Variants in ADARB2 observed in about 807,000 individuals in gnomAD.
The protein encoded by ADARB2 is inactive double-stranded RNA-specific editase B2.
A neutral mutation model predicts 62.2 loss-of-function variants in ADARB2; 25 were observed. The observed-to-expected ratio is 0.40, with a 90% CI of 0.29 to 0.56. The LOEUF (loss-of-function observed/expected upper bound fraction) is 0.56, where lower values mean the gene tolerates loss of function less well. Ranked by LOEUF, ADARB2 falls within the 20% of genes least tolerant of loss-of-function variation. ADARB2 has a pLI of 0.43. For missense variants in ADARB2, 1,071 were observed against 1,077.4 expected, an observed-to-expected ratio of 0.99 and a Z score of 0.08; for synonymous variants, 572 against 500.8, an observed-to-expected ratio of 1.14 and a Z score of -1.90.
intron 1 of ADARB2, among the ~76,000 whole-genome samples, chr10:1,628,332 C>A (rs1217297710): frequency 1.3e-5 from 2 of 152,224 alleles, no homozygotes; most frequent in Non-Finnish European, 2.9e-5. Context: ...CGATGTTAGG[C>A]TGCGTTACGA....
At chr10:1,632,312 A>G (rs933222411) in intron 1 of ADARB2, among the ~76,000 whole-genome samples, 1 of 152,120 alleles carries the variant, frequency 6.6e-6, no homozygotes, top group Non-Finnish European at 1.5e-5. Context: ...GCACACACAC[A>G]GGCACACAAT....
At chr10:1,289,576 C>T (rs1013886039) in intron 3 of ADARB2, among the ~76,000 whole-genome samples, 5 of 152,252 alleles carry the variant, frequency 3.3e-5, no homozygotes, top group African/African-American at 1.2e-4. Flanking sequence ...TCCTGACGGG[C>T]AGACCCATCC....
At chr10:1,259,493 AACT>A in intron 4 of ADARB2, among the ~76,000 whole-genome samples, 1 of 152,312 alleles carries the variant, frequency 6.6e-6, no homozygotes, top group Non-Finnish European at 1.5e-5. Flanking sequence ...CAGAAATACA[AACT>A]ACCATTAGAG....
At chr10:1,400,204 C>T (rs1478337745) in intron 1 of ADARB2, among the ~76,000 whole-genome samples, 1 of 152,114 alleles carries the variant, frequency 6.6e-6, no homozygotes, top group Non-Finnish European at 1.5e-5. Context: ...GCGTCTGTCT[C>T]TCCTGCGTGG....
intron 4 of ADARB2, among the ~76,000 whole-genome samples, chr10:1,253,776 G>A (rs1440108136): frequency 6.6e-6 from 1 of 152,240 alleles, no homozygotes; most frequent in African/African-American, 2.4e-5. Flanking sequence ...TCCTGGACTA[G>A]AAGGTGTGTA....
At position 1,233,739 on chromosome 10, in the gene ADARB2, A is replaced by AGGG; in HGVS notation, c.1465_1467dup (p.Pro489dup). 2 of 1,613,858 alleles carry AGGG rather than the reference A, an allele frequency of 1.2e-6. No homozygotes were observed. Among genetic ancestry groups the AGGG allele is most frequent in the Non-Finnish European group, 1.7e-6 (2 of 1,179,912 alleles). On this transcript the variant is annotated inframe_insertion, in exon 6 of 10. Coordinates refer to ENST00000381312, the MANE Select transcript of ADARB2 (RefSeq NM_018702.4). The stretch of plus-strand genomic sequence containing the variant: ...GGAGAGTGGAGTCTTGCGTCTCCAC[A>AGGG]GGGGGAGGTGCTCACGTAGAGATGG...
At chr10:1,304,687 C>T (rs1450882429) in intron 3 of ADARB2, among the ~76,000 whole-genome samples, 3 of 149,512 alleles carry the variant, frequency 2.0e-5, no homozygotes, top group African/African-American at 4.9e-5. Context: ...TCTCAGACCA[C>T]AGTGCAATCA....
intron 1 of ADARB2, among the ~76,000 whole-genome samples, chr10:1,455,601 T>A (rs1282025776): frequency 2.6e-5 from 4 of 152,224 alleles, no homozygotes; most frequent in Non-Finnish European, 5.9e-5. Flanking sequence ...ATGTGTTCGA[T>A]CCAGTTTTTT....
intron 3 of ADARB2, among the ~76,000 whole-genome samples, chr10:1,300,044 C>T (rs1015343335): frequency 2.6e-5 from 4 of 152,164 alleles, no homozygotes; most frequent in South Asian, 2.1e-4. Context: ...CCATCCTGGC[C>T]GTACCCACCA....
At chr10:1,377,199 GGT>G (rs1201423763) in intron 2 of ADARB2, among the ~76,000 whole-genome samples, 1 of 135,906 alleles carries the variant, frequency 7.4e-6, no homozygotes, top group Admixed American at 7.3e-5. Context: ...GTGCTCCTGG[GGT>G]GTGTGCGTTT....
At chr10:1,625,085 C>G (rs1006826724) in intron 1 of ADARB2, among the ~76,000 whole-genome samples, 1 of 152,172 alleles carries the variant, frequency 6.6e-6, no homozygotes, top group African/African-American at 2.4e-5. Flanking sequence ...TTATCTGCAT[C>G]TGTTCAGAAT....
intron 1 of ADARB2, among the ~76,000 whole-genome samples, chr10:1,699,272 G>A (rs1834791668): frequency 1.5e-5 from 1 of 65,378 alleles, no homozygotes; most frequent in African/African-American, 5.9e-5. Flanking sequence ...GGGAGACCGG[G>A]CACTCGCCAA....
intron 3 of ADARB2, among the ~76,000 whole-genome samples, chr10:1,272,293 G>A (rs573795151): frequency 2.0e-4 from 30 of 152,168 alleles, no homozygotes; most frequent in Non-Finnish European, 4.0e-4. Context: ...CATTTCCACC[G>A]GGCGTGTGTG....
chr10:1,676,079 A>C lies in ADARB2; in HGVS notation c.100+60972T>G, dbSNP rs1051847653. 14 of 985,276 alleles carry C rather than the reference A, an allele frequency of 1.4e-5. No individual in the cohort carries two copies. The African/African-American group carries it at 2.3e-4, about 16-fold the overall frequency. 61.0% of individuals were successfully genotyped at this position (985,276 alleles called of 1,614,324 possible). ...CCTGTGCACAGGTGCTTCTGAGTCCAGGATCCATCCCTGAAGGTTTGCAGG... is the reference window on the plus strand; with the variant it reads ...CCTGTGCACAGGTGCTTCTGAGTCCCGGATCCATCCCTGAAGGTTTGCAGG... On this transcript the variant is annotated intron_variant, in intron 1 of 9. Transcript: ENST00000381312.
At chr10:1,653,218 C>T (rs778911614) in intron 1 of ADARB2, among the ~76,000 whole-genome samples, 6 of 152,258 alleles carry the variant, frequency 3.9e-5, no homozygotes, top group African/African-American at 1.2e-4. Flanking sequence ...CAGGAGATGG[C>T]GAGGAGGGAG....
chr10:1,368,819 G>A (rs950608696), intron 2 of ADARB2, among the ~76,000 whole-genome samples: 2 of 151,852 alleles, frequency 1.3e-5, no homozygotes, highest in Non-Finnish European at 2.9e-5. Flanking sequence ...CTATGACCCT[G>A]TGACAGTCCT....
At chr10:1,262,393 A>C (rs1831149632) in intron 4 of ADARB2, among the ~76,000 whole-genome samples, 1 of 151,742 alleles carries the variant, frequency 6.6e-6, no homozygotes, top group South Asian at 2.1e-4. Context: ...CTCATGTGAC[A>C]AAGGGCTAAT....
intron 1 of ADARB2, among the ~76,000 whole-genome samples, chr10:1,500,347 G>C (rs1378968699): frequency 6.6e-6 from 1 of 152,202 alleles, no homozygotes; most frequent in Non-Finnish European, 1.5e-5. Flanking sequence ...AAGTGCTGGT[G>C]TGTTTTTCTC....
chr10:1,482,504 T>C (rs1831486888), intron 1 of ADARB2, among the ~76,000 whole-genome samples: 2 of 152,036 alleles, frequency 1.3e-5, no homozygotes, highest in African/African-American at 4.8e-5. Context: ...AAAAGCAAAA[T>C]AGAGGTTACC....
Sources: allele counts gnomAD v4.1 joint callset (sites outside exome capture counted in the v4.1 genomes callset), GRCh38; gene constraint gnomAD v4.1.1; transcripts MANE v1.5; gene names NCBI Gene and HGNC (gene_info 2026-07-23, HGNC 2026-07-21).